Variants in FRMPD4 observed in about 807,000 individuals in gnomAD.
FRMPD4 encodes the protein FERM and PDZ domain-containing protein 4.
A neutral mutation model predicts 94.1 loss-of-function variants in FRMPD4; 22 were observed. The ratio of observed to expected loss-of-function variants is 0.23; its 90% CI spans 0.17 to 0.33. The LOEUF (loss-of-function observed/expected upper bound fraction) is 0.33. FRMPD4 is among the 10% of genes least tolerant of loss of function. FRMPD4 has a pLI of 1.00. For synonymous variants in FRMPD4, 631 were observed against 548.6 expected, an observed-to-expected ratio of 1.15 and a Z score of -2.10; for missense variants, 1,111 against 1,339.9, an observed-to-expected ratio of 0.83 and a Z score of 2.67.
chrX:12,608,917 C>T (rs1457602688), intron 2 of FRMPD4, among the ~76,000 whole-genome samples: 3 of 111,941 alleles, frequency 2.7e-5, no homozygotes, highest in African/African-American at 9.7e-5. Context: ...GCCAACCCCA[C>T]ATGCAGTCAA....
intron 2 of FRMPD4, among the ~76,000 whole-genome samples, chrX:12,553,968 G>A (rs1298726268): frequency 9.0e-6 from 1 of 111,351 alleles, no homozygotes. Flanking sequence ...CATTATGGTG[G>A]ACATAGGTTT....
chrX:12,356,094 C>T (rs1454878466), intron 1 of FRMPD4, among the ~76,000 whole-genome samples: 1 of 111,151 alleles, frequency 9.0e-6, no homozygotes, highest in Non-Finnish European at 1.9e-5. Context: ...ATGTTTCTTT[C>T]AGATCTTTAA....
At chrX:12,428,076 ATT>A (rs1241933822) in intron 1 of FRMPD4, among the ~76,000 whole-genome samples, 1 of 107,537 alleles carries the variant, frequency 9.3e-6, no homozygotes, top group Non-Finnish European at 1.9e-5. Context: ...TGCCCAGCTA[ATT>A]TTTTTTGCAT....
chrX:12,277,249 C>T (rs73192407), intron 1 of FRMPD4, among the ~76,000 whole-genome samples: 10 of 111,065 alleles, frequency 9.0e-5, no homozygotes, highest in Non-Finnish European at 1.5e-4. Flanking sequence ...TTTCCTTTTA[C>T]CCTTAAAAGT....
chrX:11,829,479 G>A (rs781479389), intron 1 of FRMPD4, among the ~76,000 whole-genome samples: 1 of 111,963 alleles, frequency 8.9e-6, no homozygotes, highest in Admixed American at 9.5e-5. Context: ...CTATCTGGGT[G>A]ACGGGATCAT....
At chrX:11,918,772 A>G (rs1483027389) in intron 3 of FRMPD4, among the ~76,000 whole-genome samples, 1 of 112,339 alleles carries the variant, frequency 8.9e-6, no homozygotes, top group Non-Finnish European at 1.9e-5. Context: ...ATAATTTTTT[A>G]AAAAGGGTTG....
chrX:12,099,187 T>C (rs1004079845), intron 3 of FRMPD4, among the ~76,000 whole-genome samples: 1 of 109,385 alleles, frequency 9.1e-6, no homozygotes, highest in African/African-American at 3.3e-5. Context: ...AACCTGCACA[T>C]TGTGCACATG....
rs35074731 is a variant in FRMPD4 at position 12,480,333 on chromosome X, G to GAAAAAAAAAAAAAAAAA, written c.42-18344_42-18328dup. 4.8e-4 allele frequency among the ~76,000 whole-genome samples: 26 copies of GAAAAAAAAAAAAAAAAA among 54,628 alleles called. 2 individuals carry two copies. Among genetic ancestry groups the GAAAAAAAAAAAAAAAAA allele is most frequent in the East Asian group, 6.7e-4 (1 of 1,503 alleles). 47.4% of individuals were successfully genotyped at this position (54,628 alleles called of 115,157 possible). On this transcript the variant is annotated intron_variant, in intron 1 of 16. Coordinates refer to ENST00000675598, the MANE Select transcript of FRMPD4 (RefSeq NM_001368397.1). ...AGACACTACAGAAATGAAAAGAAAT[G>GAAAAAAAAAAAAAAAAA]AAAAAAAAAAAAAAAAAAAGCAAAA... is the stretch of plus-strand genomic sequence containing the variant.
chrX:12,716,001 T>TGGGGCCCCCC, intron 14 of FRMPD4, 68 bp from the exon 15 acceptor site: 3 of 231,653 alleles, frequency 1.3e-5, no homozygotes, highest in African/African-American at 3.3e-5. Context: ...GAGACGAGCC[T>TGGGGCCCCCC]CCCACCCCCG....
At chrX:11,880,164 G>C (rs748610698) in intron 3 of FRMPD4, among the ~76,000 whole-genome samples, 1 of 111,795 alleles carries the variant, frequency 8.9e-6, no homozygotes, top group Non-Finnish European at 1.9e-5. Context: ...AAACCAGCTT[G>C]ATCTGGTATG....
chrX:12,455,476 A>G (rs1192214824), intron 1 of FRMPD4, among the ~76,000 whole-genome samples: 1 of 112,043 alleles, frequency 8.9e-6, no homozygotes, highest in East Asian at 2.8e-4. Flanking sequence ...ATTTCATTGC[A>G]TCTGTGTTGC....
At chrX:11,988,112 A>T (rs970430251) in intron 3 of FRMPD4, among the ~76,000 whole-genome samples, 21 of 111,978 alleles carry the variant, frequency 1.9e-4, no homozygotes, top group African/African-American at 6.8e-4. Flanking sequence ...GAAACCACAA[A>T]AGACCCAGAA....
rs2041904779 is a variant in FRMPD4, at chrX:12,707,673, A to T, written c.1470+22A>T. ...GAAGGCAAGTTTCTCAGGTGTTGAC[A>T]CATGGCCTTGCTGTCAACAGCTAAT... On this transcript the variant is annotated intron_variant, in intron 13 of 16. Transcript: ENST00000675598. The T allele has an allele frequency of 3.5e-6, 4 of 1,142,848 alleles. No individual in the cohort carries two copies. The South Asian group carries it at 5.9e-5, about 17-fold the overall frequency. 94.2% of individuals were successfully genotyped at this position (1,142,848 alleles called of 1,213,427 possible).
At chrX:12,367,182 A>T (rs944075969) in intron 1 of FRMPD4, among the ~76,000 whole-genome samples, 5 of 111,851 alleles carry the variant, frequency 4.5e-5, no homozygotes, top group African/African-American at 1.6e-4. Flanking sequence ...GAACAGGATG[A>T]CTAGAAGTTC....
chrX:12,686,079 C>CT lies in FRMPD4; in HGVS notation c.574-10dup, dbSNP rs760220825. 9.5e-5 allele frequency: 83 copies of CT among 878,207 alleles called. No homozygotes were observed. Among genetic ancestry groups the CT allele is most frequent in the Non-Finnish European group, 1.2e-4 (71 of 597,894 alleles). The allele number at this position is 878,207 out of a possible 1,213,427, so 72.4% of individuals were successfully genotyped here. On this transcript the variant is annotated splice_polypyrimidine_tract_variant and intron_variant, in intron 6 of 16. Transcript: ENST00000675598. ...TAATTTGATCAATTTATGCCCTGCC[C>CT]TTTTTTTTGTTAAACAGGAAACTGT...
intron 1 of FRMPD4, among the ~76,000 whole-genome samples, chrX:12,445,493 T>C (rs1401176552): frequency 2.7e-5 from 3 of 112,713 alleles, no homozygotes; most frequent in Admixed American, 9.4e-5. Flanking sequence ...TCAGATCATT[T>C]GTTGAATGCC....
At chrX:12,052,565 G>A (rs2054824378) in intron 3 of FRMPD4, among the ~76,000 whole-genome samples, 1 of 112,306 alleles carries the variant, frequency 8.9e-6, no homozygotes, top group African/African-American at 3.2e-5. Flanking sequence ...CTGTCATGTT[G>A]TTAGTTCTGT....
chrX:12,231,021 A>ATG (rs1218024088), intron 1 of FRMPD4, among the ~76,000 whole-genome samples: 5 of 51,781 alleles, frequency 9.7e-5, no homozygotes, highest in African/African-American at 3.0e-4. Context: ...TATATATAGT[A>ATG]TATATATAGT....
intron 1 of FRMPD4, among the ~76,000 whole-genome samples, chrX:12,349,968 C>G (rs1267586548): frequency 1.8e-5 from 2 of 111,248 alleles, no homozygotes; most frequent in Non-Finnish European, 3.8e-5. Context: ...CATAATATAG[C>G]AAATTGAAAT....
Sources: allele counts gnomAD v4.1 joint callset (sites outside exome capture counted in the v4.1 genomes callset), GRCh38; gene constraint gnomAD v4.1.1; transcripts MANE v1.5; gene names NCBI Gene and HGNC (gene_info 2026-07-23, HGNC 2026-07-21).